Variants in ST8SIA2 observed in about 807,000 individuals in gnomAD.
ST8SIA2 encodes ST8 alpha-N-acetyl-neuraminide alpha-2,8-sialyltransferase 2, also known as alpha-2,8-sialyltransferase 8B.
Under a neutral mutation model 37.6 loss-of-function variants are expected in ST8SIA2, and 22 were observed. The observed-to-expected ratio is 0.58, with a 90% CI of 0.42 to 0.83. ST8SIA2 has a LOEUF of 0.83. Ranked by LOEUF, ST8SIA2 falls within the 40% of genes least tolerant of loss-of-function variation. The pLI is 0.00. For missense variants in ST8SIA2, 382 were observed against 484.7 expected (o/e 0.79, Z 1.99); for synonymous variants, 205 against 201.2 (o/e 1.02, Z -0.16).
chr15:92,449,042 G>C (rs1479305110), intron 5 of ST8SIA2, among the ~76,000 whole-genome samples: 2 of 151,728 alleles, frequency 1.3e-5, no homozygotes, highest in African/African-American at 4.8e-5. Context: ...TAGATTCAGG[G>C]GGTACCTCTG....
chr15:92,395,716 G>A (rs1280283207), intron 1 of ST8SIA2, among the ~76,000 whole-genome samples: 2 of 152,216 alleles, frequency 1.3e-5, no homozygotes, highest in African/African-American at 4.8e-5. Flanking sequence ...AATGGAAGAT[G>A]CGGTGAGGAG....
chr15:92,463,141 C>T lies in ST8SIA2; in HGVS notation c.843-959C>T, dbSNP rs555833295. ...AACTCAGGTCTTGAGTTACTTCCCC[C>T]CTCTGAGCATGTTTCTTAGTCTGTG... On this transcript the variant is annotated intron_variant, in intron 5 of 5. Transcript: ENST00000268164. Among the ~76,000 whole-genome samples, 17 of 152,336 alleles carry T rather than the reference C, an allele frequency of 1.1e-4. No individual in the cohort carries two copies. In the South Asian group the frequency reaches 3.1e-3, roughly 28 times the overall value.
intron 5 of ST8SIA2, among the ~76,000 whole-genome samples, chr15:92,454,599 G>A (rs536296906): frequency 2.5e-4 from 38 of 152,110 alleles, no homozygotes; most frequent in African/African-American, 9.2e-4. Context: ...GAGGCAGTGA[G>A]TAGGGAGAGG....
At position 92,465,797 on chromosome 15, in the gene ST8SIA2, C is replaced by T. The variant is rs1231907805; in HGVS notation, c.*1412C>T. ...AAATACCCAAAGCCAAATGCAGTTCCAAATAGTGGACATAATCTCCCAGGG... is the reference window on the plus strand; with the variant it reads ...AAATACCCAAAGCCAAATGCAGTTCTAAATAGTGGACATAATCTCCCAGGG... On this transcript the variant is annotated 3_prime_UTR_variant, in exon 6 of 6. Coordinates refer to ENST00000268164, the MANE Select transcript of ST8SIA2 (RefSeq NM_006011.4). The T allele has an allele frequency of 1.3e-5, 2 of 152,010 alleles. No homozygotes were observed. The highest frequency in any genetic ancestry group is 2.9e-5 in the Non-Finnish European group (2 of 68,018). 9.4% of individuals were successfully genotyped at this position (152,010 alleles called of 1,614,324 possible).
chr15:92,454,259 G>A (rs1246117846), intron 5 of ST8SIA2, among the ~76,000 whole-genome samples: 1 of 152,130 alleles, frequency 6.6e-6, no homozygotes, highest in Non-Finnish European at 1.5e-5. Context: ...ACCTTGGCTT[G>A]CAGATCGCCA....
chr15:92,435,551 G>A (rs1220969590), intron 3 of ST8SIA2, among the ~76,000 whole-genome samples: 2 of 152,148 alleles, frequency 1.3e-5, no homozygotes, highest in Non-Finnish European at 2.9e-5. Context: ...ACCACGCAGA[G>A]CAGGGAGTTG....
At chr15:92,415,005 C>G (rs1372802586) in intron 1 of ST8SIA2, among the ~76,000 whole-genome samples, 1 of 152,192 alleles carries the variant, frequency 6.6e-6, no homozygotes, top group Non-Finnish European at 1.5e-5. Context: ...GCCCTGGGCT[C>G]CTAAAAGAGC....
chr15:92,444,510 G>T lies in ST8SIA2; in HGVS notation c.549-126G>T, dbSNP rs527997509. The T allele has an allele frequency of 8.1e-5, 94 of 1,154,814 alleles. No individual in the cohort carries two copies. The African/African-American group carries it at 1.3e-3, about 16-fold the overall frequency. The allele number at this position is 1,154,814 out of a possible 1,614,324, so 71.5% of individuals were successfully genotyped here. A position where few individuals can be genotyped will look rare whatever the true frequency, so the allele number is the denominator to read the frequency against. ...GATGGGAGGGGCCTGTGAGTGTGGA[G>T]AGATGCCCTGGGTCTTTGTTTGGGG... On this transcript the variant is annotated intron_variant, in intron 4 of 5. Transcript: ENST00000268164.
At chr15:92,418,419 G>A (rs377671702) in intron 1 of ST8SIA2, among the ~76,000 whole-genome samples, 3 of 139,698 alleles carry the variant, frequency 2.1e-5, no homozygotes, top group South Asian at 2.3e-4. Context: ...CCATGATCAC[G>A]CCACTGCACT....
At position 92,434,601 on chromosome 15, in the gene ST8SIA2, C is replaced by T. The variant is rs181275822; in HGVS notation, c.290+226C>T. Among the ~76,000 whole-genome samples the T allele has an allele frequency of 5.3e-5, 8 of 152,336 alleles. No individual in the cohort carries two copies. The East Asian group carries it at 1.5e-3, about 29-fold the overall frequency. ...GGGGCCAGGCGGTGGCAGGAACACC[C>T]GCTGAGGTTCTGGGCTTAGAAGCAG... On this transcript the variant is annotated intron_variant, in intron 3 of 5. Transcript: ENST00000268164.
chr15:92,394,862 G>T (rs1298660857), intron 1 of ST8SIA2, among the ~76,000 whole-genome samples: 1 of 152,218 alleles, frequency 6.6e-6, no homozygotes, highest in African/African-American at 2.4e-5. Context: ...CTCGCAGCGC[G>T]GAGACGGAGA....
At position 92,468,633 on chromosome 15, in the gene ST8SIA2, G is replaced by A. The variant is rs1439334904; in HGVS notation, c.*4248G>A. ...AGACTGTAAGCTTGCCAAGGGCAGG[G>A]ACTGTGTTTTATTCATCTGTATCCA... On this transcript the variant is annotated 3_prime_UTR_variant, in exon 6 of 6. Coordinates refer to ENST00000268164, the MANE Select transcript of ST8SIA2 (RefSeq NM_006011.4). 1 of 152,702 alleles carries A rather than the reference G, an allele frequency of 6.5e-6. No individual in the cohort carries two copies. Among genetic ancestry groups the A allele is most frequent in the African/African-American group, 2.4e-5 (1 of 41,462 alleles). The allele number at this position is 152,702 out of a possible 1,614,324, so 9.5% of individuals were successfully genotyped here.
chr15:92,435,499 G>A (rs901738439), intron 3 of ST8SIA2, among the ~76,000 whole-genome samples: 1 of 152,086 alleles, frequency 6.6e-6, no homozygotes, highest in African/African-American at 2.4e-5. Context: ...ACCATCCCAG[G>A]CCATACCATG....
rs77709336 is a variant in ST8SIA2, at chr15:92,456,899, G to A, written c.843-7201G>A. Among the ~76,000 whole-genome samples the A allele has an allele frequency of 9.0e-3, 1,372 of 152,308 alleles. 18 individuals carry two copies. Among genetic ancestry groups the A allele is most frequent in the African/African-American group, 0.029 (1,193 of 41,568 alleles). ...GCTTAGGCAGGCAGGGAGGCCTGGGGATCTGGAATTAGACTCAGCATCCCC... is the reference window on the plus strand; with the variant it reads ...GCTTAGGCAGGCAGGGAGGCCTGGGAATCTGGAATTAGACTCAGCATCCCC... On this transcript the variant is annotated intron_variant, in intron 5 of 5. Transcript: ENST00000268164.
intron 3 of ST8SIA2, among the ~76,000 whole-genome samples, chr15:92,435,919 C>T (rs116502884): frequency 2.2e-3 from 331 of 152,294 alleles, no homozygotes; most frequent in African/African-American, 7.7e-3. Flanking sequence ...TCTTGCACCG[C>T]TCTGGATGCC....
rs138263997 is a variant in ST8SIA2 at position 92,434,454 on chromosome 15, A to G, written c.290+79A>G. ...GGCAAATTGCTTCTCTTCGTCATCT[A>G]AAGAAGTCAGGATAGAAATAAAATG... On this transcript the variant is annotated intron_variant, in intron 3 of 5. Transcript: ENST00000268164. The G allele has an allele frequency of 3.2e-4, 512 of 1,596,336 alleles. 2 individuals are homozygous for G. In the African/African-American group the frequency reaches 6.3e-3, roughly 20 times the overall value.
intron 1 of ST8SIA2, among the ~76,000 whole-genome samples, chr15:92,413,246 A>C (rs1195104690): frequency 6.6e-6 from 1 of 152,254 alleles, no homozygotes; most frequent in Non-Finnish European, 1.5e-5. Context: ...GAACTCAGCC[A>C]TAACCTATCC....
chr15:92,435,469 C>A (rs1005112804), intron 3 of ST8SIA2, among the ~76,000 whole-genome samples: 4 of 152,084 alleles, frequency 2.6e-5, no homozygotes, highest in African/African-American at 9.7e-5. Flanking sequence ...TAGGCAGGAC[C>A]AGACGGGGAA....
At chr15:92,444,952 A>G (rs763873660) in intron 5 of ST8SIA2, 23 bp downstream of exon 5, 30 of 1,605,502 alleles carry the variant, frequency 1.9e-5, no homozygotes, top group Non-Finnish European at 2.5e-5. Context: ...CCTACAGGCC[A>G]GTAGGACCGT....
Sources: allele counts gnomAD v4.1 joint callset (sites outside exome capture counted in the v4.1 genomes callset), GRCh38; gene constraint gnomAD v4.1.1; transcripts MANE v1.5; gene names NCBI Gene and HGNC (gene_info 2026-07-23, HGNC 2026-07-21).